ST8SIA1: variants seen among roughly 807,000 people sequenced by gnomAD.
The protein encoded by ST8SIA1 is ST8 alpha-N-acetyl-neuraminide alpha-2,8-sialyltransferase 1.
ST8SIA1 carries 16 observed loss-of-function variants against 35.9 expected under a neutral mutation model. The observed-to-expected ratio is 0.45, with a 90% CI of 0.30 to 0.68. The LOEUF is 0.68. Among genes scored for constraint, ST8SIA1 ranks in the 30% least tolerant of loss-of-function variants. The probability of loss-of-function intolerance (pLI) is 0.09; values close to 1 mark genes in which losing one functional copy is unlikely to be tolerated. For missense variants in ST8SIA1, 383 were observed against 453.6 expected, an observed-to-expected ratio of 0.84 and a Z score of 1.41; for synonymous variants, 170 against 169.6, an observed-to-expected ratio of 1.00 and a Z score of -0.02.
At chr12:22,301,688 T>G (rs1866320322) in intron 1 of ST8SIA1, among the ~76,000 whole-genome samples, 1 of 152,178 alleles carries the variant, frequency 6.6e-6, no homozygotes, top group African/African-American at 2.4e-5. Context: ...GGAATCGAAG[T>G]TGGCTTAGAA....
chr12:22,332,968 T>G (rs930137259), intron 1 of ST8SIA1, among the ~76,000 whole-genome samples: 5 of 151,880 alleles, frequency 3.3e-5, no homozygotes, highest in African/African-American at 1.2e-4. Flanking sequence ...CCCCAGAGAC[T>G]AAAGGTGAAA....
rs1219131117 is a variant in ST8SIA1, at chr12:22,201,897, A to G, written c.726T>C (p.Val242=). 10 of 1,614,156 alleles carry G rather than the reference A, an allele frequency of 6.2e-6. No individual in the cohort carries two copies. Among genetic ancestry groups the G allele is most frequent in the Non-Finnish European group, 8.5e-6 (10 of 1,179,986 alleles). The change falls in exon 5 of 5, where the codon GTT becomes GTC. Residue 242 remains valine (V), a synonymous_variant. Coordinates refer to ENST00000396037, the MANE Select transcript of ST8SIA1 (RefSeq NM_003034.4). ...SLRVYYTLSD[V]GANQTVLFAN... ...CAAACAGCACTGTTTGATTGGCACC[A>G]ACATCTGACAGTGTATAATAAACCC...
At position 22,334,387 on chromosome 12, in the gene ST8SIA1, CCA is replaced by C. The variant is rs1040316258; in HGVS notation, c.-157_-156del. Reference sequence around the variant, plus strand: ...GCACGCTTCTTCGGCCCCGTCGGCCCCAAAGGTCAGCGCAAGGATTTTTTCAA... The same window carrying C: ...GCACGCTTCTTCGGCCCCGTCGGCCCAAGGTCAGCGCAAGGATTTTTTCAA... On this transcript the variant is annotated 5_prime_UTR_variant, in exon 1 of 5. Coordinates refer to ENST00000396037, the MANE Select transcript of ST8SIA1 (RefSeq NM_003034.4). 2.9e-5 allele frequency: 18 copies of C among 623,082 alleles called. No homozygotes were observed. Among genetic ancestry groups the C allele is most frequent in the Non-Finnish European group, 5.0e-5 (18 of 357,646 alleles). 38.6% of individuals were successfully genotyped at this position (623,082 alleles called of 1,614,324 possible). A position where few individuals can be genotyped will look rare whatever the true frequency, so the allele number is the denominator to read the frequency against.
intron 2 of ST8SIA1, among the ~76,000 whole-genome samples, chr12:22,284,435 T>C (rs185653637): frequency 1.3e-5 from 2 of 152,324 alleles, no homozygotes; most frequent in Admixed American, 6.5e-5. Flanking sequence ...GCGTATCAAT[T>C]AACTGGCAAC....
At chr12:22,299,728 G>T (rs926066470) in intron 1 of ST8SIA1, among the ~76,000 whole-genome samples, 1 of 152,036 alleles carries the variant, frequency 6.6e-6, no homozygotes, top group South Asian at 2.1e-4. Context: ...AATTATAGGA[G>T]ATTTTAATTT....
At chr12:22,289,192 G>T (rs1021385876) in intron 1 of ST8SIA1, among the ~76,000 whole-genome samples, 1 of 152,134 alleles carries the variant, frequency 6.6e-6, no homozygotes, top group Admixed American at 6.5e-5. Context: ...AAATCTGGGG[G>T]GAGGATAGGC....
intron 2 of ST8SIA1, among the ~76,000 whole-genome samples, chr12:22,279,960 G>A (rs1273100034): frequency 6.6e-6 from 1 of 152,222 alleles, no homozygotes; most frequent in Non-Finnish European, 1.5e-5. Flanking sequence ...TCAATGGAAG[G>A]AAGACAGTGA....
chr12:22,329,359 A>G (rs1229387284), intron 1 of ST8SIA1, among the ~76,000 whole-genome samples: 1 of 152,222 alleles, frequency 6.6e-6, no homozygotes. Flanking sequence ...GGGAAAAAAA[A>G]ACATATATAA....
At chr12:22,270,586 T>C (rs183272083) in intron 2 of ST8SIA1, among the ~76,000 whole-genome samples, 110 of 152,314 alleles carry the variant, frequency 7.2e-4, no homozygotes, top group African/African-American at 2.5e-3. Context: ...ATTTTTCCTC[T>C]AAATCTATTT....
intron 3 of ST8SIA1, among the ~76,000 whole-genome samples, chr12:22,249,363 C>T (rs944932120): frequency 2.6e-5 from 4 of 151,958 alleles, no homozygotes; most frequent in East Asian, 1.9e-4. Flanking sequence ...GGACTACAGG[C>T]ACCTGCCACC....
At chr12:22,298,097 AG>A (rs2135823158) in intron 1 of ST8SIA1, among the ~76,000 whole-genome samples, 1 of 152,296 alleles carries the variant, frequency 6.6e-6, no homozygotes, top group South Asian at 2.1e-4. Flanking sequence ...AGGTTCCTGA[AG>A]GGTGATGTGC....
chr12:22,253,832 C>T (rs758874362), intron 3 of ST8SIA1, among the ~76,000 whole-genome samples: 4 of 152,092 alleles, frequency 2.6e-5, no homozygotes, highest in Non-Finnish European at 5.9e-5. Flanking sequence ...CTGCAGGCTT[C>T]ACCAAGTGAG....
chr12:22,305,622 C>T (rs1456095948), intron 1 of ST8SIA1, among the ~76,000 whole-genome samples: 1 of 152,102 alleles, frequency 6.6e-6, no homozygotes, highest in Non-Finnish European at 1.5e-5. Flanking sequence ...CTCAGGTGAC[C>T]CACCTGCCTC....
At chr12:22,266,848 TACACACAC>T (rs145606826) in intron 2 of ST8SIA1, among the ~76,000 whole-genome samples, 8,126 of 145,040 alleles carry the variant, frequency 0.056, 323 homozygotes, top group East Asian at 0.16. Context: ...CACAAAAGTA[TACACACAC>T]ACACACACAC....
In ST8SIA1 at chr12:22,333,993, G is replaced by T. The variant is rs1400211415; in HGVS notation, c.236+4C>A. The T allele has an allele frequency of 1.2e-6, 2 of 1,613,148 alleles. No individual in the cohort carries two copies. The highest frequency in any genetic ancestry group is 8.5e-7 in the Non-Finnish European group (1 of 1,179,504). On this transcript the variant is annotated splice_donor_region_variant and intron_variant, in intron 1 of 4. Coordinates refer to ENST00000396037, the MANE Select transcript of ST8SIA1 (RefSeq NM_003034.4). ...GAGGGGAGGAGCCGCGAGGGCAGGAGTACCTGAACGCTCTGGCCGCGGTCT... is the reference window on the plus strand; with the variant it reads ...GAGGGGAGGAGCCGCGAGGGCAGGATTACCTGAACGCTCTGGCCGCGGTCT...
intron 2 of ST8SIA1, among the ~76,000 whole-genome samples, chr12:22,257,378 ATT>A (rs34136511): frequency 0.24 from 28,729 of 118,066 alleles, 3,456 homozygotes; most frequent in Middle Eastern, 0.34. Context: ...TGCCCAGCTA[ATT>A]TTTTTTTTTT....
At chr12:22,263,271 A>G (rs543075265) in intron 2 of ST8SIA1, among the ~76,000 whole-genome samples, 1 of 152,332 alleles carries the variant, frequency 6.6e-6, no homozygotes, top group East Asian at 1.9e-4. Flanking sequence ...TATAGGATAT[A>G]TCAGATTATT....
chr12:22,287,036 G>A (rs549892038), intron 2 of ST8SIA1, 113 bp downstream of exon 2: 9 of 985,736 alleles, frequency 9.1e-6, no homozygotes, highest in Admixed American at 2.5e-5. Context: ...TTTAAAGAGA[G>A]AAGAAAGAAA....
chr12:22,321,244 G>A lies in ST8SIA1; in HGVS notation c.236+12753C>T, dbSNP rs538250091. Among the ~76,000 whole-genome samples the A allele has an allele frequency of 1.3e-4, 20 of 152,326 alleles. No homozygotes were observed. The South Asian group carries it at 3.9e-3, about 30-fold the overall frequency. ...GGTGGGAGAGAAAGAGCCCTTTGGC[G>A]TGGCAAGGATAGGGGATCTCCCTGT... is the stretch of plus-strand genomic sequence containing the variant. On this transcript the variant is annotated intron_variant, in intron 1 of 4. Transcript: ENST00000396037.
Sources: gnomAD v4.1 joint callset for allele counts (sites outside exome capture counted in the v4.1 genomes callset) on GRCh38, gnomAD v4.1.1 for gene constraint, MANE v1.5 for transcripts, NCBI Gene and HGNC (gene_info 2026-07-23, HGNC 2026-07-21) for gene names.